VEPH1: variants seen among roughly 807,000 people sequenced by gnomAD.
VEPH1 encodes the protein ventricular zone-expressed PH domain-containing protein homolog 1.
VEPH1 carries 80 observed loss-of-function variants against 85.2 expected under a neutral mutation model. The observed-to-expected ratio is 0.94, with a 90% CI of 0.78 to 1.13. The LOEUF (loss-of-function observed/expected upper bound fraction) is 1.13, where lower values mean the gene tolerates loss of function less well. VEPH1 is among the 50% of genes most tolerant of loss of function. The pLI is 0.00. For missense variants in VEPH1, 955 were observed against 980.5 expected (o/e 0.97, Z 0.35); for synonymous variants, 297 against 348.0 (o/e 0.85, Z 1.63).
At chr3:157,271,759 G>A (rs1405726503) in intron 12 of VEPH1, among the ~76,000 whole-genome samples, 2 of 152,026 alleles carry the variant, frequency 1.3e-5, no homozygotes, top group African/African-American at 4.8e-5. Context: ...CATGGAGCTG[G>A]GCAGGAGAGA....
At chr3:157,449,084 T>C (rs1553788789) in intron 4 of VEPH1, among the ~76,000 whole-genome samples, 1 of 152,216 alleles carries the variant, frequency 6.6e-6, no homozygotes, top group Non-Finnish European at 1.5e-5. Flanking sequence ...GTGAGTCCAA[T>C]AAACATCTTT....
intron 9 of VEPH1, among the ~76,000 whole-genome samples, chr3:157,329,807 A>G (rs927755560): frequency 2.6e-5 from 4 of 152,212 alleles, no homozygotes; most frequent in Non-Finnish European, 4.4e-5. Flanking sequence ...AGATCCATCG[A>G]AAAACTAAAG....
intron 6 of VEPH1, among the ~76,000 whole-genome samples, chr3:157,384,098 G>A (rs941008263): frequency 6.6e-6 from 1 of 152,122 alleles, no homozygotes; most frequent in African/African-American, 2.4e-5. Flanking sequence ...CAATAATGAG[G>A]CAGACAGACA....
chr3:157,285,624 C>T (rs1247618498), intron 12 of VEPH1, among the ~76,000 whole-genome samples: 1 of 152,166 alleles, frequency 6.6e-6, no homozygotes, highest in African/African-American at 2.4e-5. Context: ...AATGCAGTTC[C>T]TGAGCCGAGT....
At chr3:157,496,591 C>G (rs1739683724) in intron 1 of VEPH1, among the ~76,000 whole-genome samples, 2 of 152,180 alleles carry the variant, frequency 1.3e-5, no homozygotes, top group Non-Finnish European at 2.9e-5. Flanking sequence ...GCATTTCTAC[C>G]TAGCATTTTA....
rs369042193 is a variant in VEPH1 at position 157,404,467 on chromosome 3, G to C, written c.906+9414C>G. Among the ~76,000 whole-genome samples the C allele has an allele frequency of 4.5e-4, 69 of 152,198 alleles. 1 individual carries two copies. Among genetic ancestry groups the C allele is most frequent in the African/African-American group, 1.5e-3 (64 of 41,548 alleles). ...CTAGAAATGTCTTTGTCTTGGATTG[G>C]GGTTTCCAGAAACAGACAGACCCTG... On this transcript the variant is annotated intron_variant, in intron 6 of 13. Coordinates refer to ENST00000362010, the MANE Select transcript of VEPH1 (RefSeq NM_001167912.2).
intron 10 of VEPH1, among the ~76,000 whole-genome samples, chr3:157,315,517 A>G (rs1464560451): frequency 6.6e-6 from 1 of 152,076 alleles, no homozygotes; most frequent in Non-Finnish European, 1.5e-5. Flanking sequence ...GTTGACAGAA[A>G]ACGGAAAGAA....
At chr3:157,362,021 TA>T (rs1726099708) in intron 9 of VEPH1, among the ~76,000 whole-genome samples, 1 of 152,122 alleles carries the variant, frequency 6.6e-6, no homozygotes, top group African/African-American at 2.4e-5. Context: ...CTGAGTTTTT[TA>T]ATTTTTTTAT....
chr3:157,355,003 G>A (rs953989202), intron 9 of VEPH1, among the ~76,000 whole-genome samples: 1 of 152,018 alleles, frequency 6.6e-6, no homozygotes, highest in African/African-American at 2.4e-5. Flanking sequence ...CTCCCCAGGG[G>A]GCCAACTTCC....
At chr3:157,439,623 G>A (rs540651439) in intron 4 of VEPH1, among the ~76,000 whole-genome samples, 1 of 152,312 alleles carries the variant, frequency 6.6e-6, no homozygotes, top group East Asian at 1.9e-4. Context: ...AGCCAGCGTA[G>A]CCTAGAGGGA....
In VEPH1 at chr3:157,468,337, T is replaced by TA. The variant is rs924963244; in HGVS notation, c.354+1976dup. 5.3e-5 allele frequency among the ~76,000 whole-genome samples: 8 copies of TA among 151,890 alleles called. 1 individual carries two copies. The highest frequency in any genetic ancestry group is 1.7e-4 in the African/African-American group (7 of 41,346). ...GCACATCAGATATGTAAGAATTGTGTAAAAAAAATGGTGAATCACAAGGTC... is the reference window on the plus strand; with the variant it reads ...GCACATCAGATATGTAAGAATTGTGTAAAAAAAAATGGTGAATCACAAGGTC... On this transcript the variant is annotated intron_variant, in intron 3 of 13. Transcript: ENST00000362010.
intron 11 of VEPH1, among the ~76,000 whole-genome samples, chr3:157,310,777 G>A (rs1346309091): frequency 1.3e-5 from 2 of 152,166 alleles, no homozygotes; most frequent in African/African-American, 2.4e-5. Flanking sequence ...AAATTGCAGA[G>A]AATAGTACAC....
chr3:157,399,338 C>T (rs1361032751), intron 6 of VEPH1, among the ~76,000 whole-genome samples: 1 of 152,144 alleles, frequency 6.6e-6, no homozygotes, highest in Admixed American at 6.5e-5. Flanking sequence ...ACCAAGAAAG[C>T]CAATTTCTCC....
intron 3 of VEPH1, among the ~76,000 whole-genome samples, chr3:157,468,944 T>C (rs1736654053): frequency 6.6e-6 from 1 of 152,170 alleles, no homozygotes; most frequent in Admixed American, 6.6e-5. Context: ...GTGGCTTGCA[T>C]TAGATTTCTA....
At chr3:157,387,362 A>C (rs149618352) in intron 6 of VEPH1, among the ~76,000 whole-genome samples, 96 of 152,312 alleles carry the variant, frequency 6.3e-4, no homozygotes, top group East Asian at 6.0e-3. Context: ...CTGGTACTTG[A>C]CATATGCATT....
At position 157,324,429 on chromosome 3, in the gene VEPH1, T is replaced by A. The variant is rs1242088326; in HGVS notation, c.1736-7228A>T. Reference sequence around the variant, plus strand: ...GTGGCATGGTGGTTTGCTGCAGAGGTCATCCCATCACCTAAGTATTAAGCC... The same window carrying A: ...GTGGCATGGTGGTTTGCTGCAGAGGACATCCCATCACCTAAGTATTAAGCC... On this transcript the variant is annotated intron_variant, in intron 9 of 13. Coordinates refer to ENST00000362010, the MANE Select transcript of VEPH1 (RefSeq NM_001167912.2). 2.0e-5 allele frequency among the ~76,000 whole-genome samples: 3 copies of A among 152,132 alleles called. No homozygotes were observed. The East Asian group carries it at 5.8e-4, about 29-fold the overall frequency.
chr3:157,345,972 T>C (rs1227510190), intron 9 of VEPH1, among the ~76,000 whole-genome samples: 3 of 147,858 alleles, frequency 2.0e-5, no homozygotes. Context: ...AGGTGGGAAT[T>C]GAACAATGAG....
At position 157,300,584 on chromosome 3, in the gene VEPH1, T is replaced by A. The variant is rs73873632; in HGVS notation, c.2010+13037A>T. 8.7e-3 allele frequency among the ~76,000 whole-genome samples: 1,332 copies of A among 152,272 alleles called. 20 individuals carry two copies. The highest frequency in any genetic ancestry group is 0.03 in the African/African-American group (1,267 of 41,544). ...GTGTATGTGGACAGTGGTTAGAGAGTTACGAATAGTGTATATTAATTAGCC... is the reference window on the plus strand; with the variant it reads ...GTGTATGTGGACAGTGGTTAGAGAGATACGAATAGTGTATATTAATTAGCC... On this transcript the variant is annotated intron_variant, in intron 11 of 13. Transcript: ENST00000362010.
chr3:157,430,338 C>G (rs1447802714), intron 4 of VEPH1, among the ~76,000 whole-genome samples: 1 of 152,170 alleles, frequency 6.6e-6, no homozygotes, highest in Non-Finnish European at 1.5e-5. Context: ...CTACACATCC[C>G]TTCGCAACAT....
Sources: allele counts gnomAD v4.1 joint callset (sites outside exome capture counted in the v4.1 genomes callset), GRCh38; gene constraint gnomAD v4.1.1; transcripts MANE v1.5; gene names NCBI Gene and HGNC (gene_info 2026-07-23, HGNC 2026-07-21).